The following HS3ST4 variants were observed in gnomAD, a reference collection of about 807,000 sequenced individuals.
The protein encoded by HS3ST4 is heparan sulfate glucosamine 3-O-sulfotransferase 4.
HS3ST4 carries 17 observed loss-of-function variants against 29.2 expected under a neutral mutation model. The observed-to-expected ratio is 0.58, with a 90% CI of 0.40 to 0.87. The LOEUF (loss-of-function observed/expected upper bound fraction) is 0.87, where lower values mean the gene tolerates loss of function less well. HS3ST4 is among the 40% of genes least tolerant of loss of function. HS3ST4 has a pLI of 0.00. For missense variants in HS3ST4, 627 were observed against 634.5 expected (o/e 0.99, Z 0.13); for synonymous variants, 314 against 285.7 (o/e 1.10, Z -1.00).
rs190683792 is a variant in HS3ST4 at position 25,725,520 on chromosome 16, T to C, written c.734+32369T>C. Among the ~76,000 whole-genome samples, 48 of 152,254 alleles carry C rather than the reference T, an allele frequency of 3.2e-4. No individual in the cohort carries two copies. In the East Asian group the frequency reaches 4.2e-3, roughly 13 times the overall value. On this transcript the variant is annotated intron_variant, in intron 1 of 1. Transcript: ENST00000331351. Reference sequence around the variant, plus strand: ...GCTCCCCCTTTAACCCAGTGATATATGCCAGAGTTTATTAAAAGCTATAGT... The same window carrying C: ...GCTCCCCCTTTAACCCAGTGATATACGCCAGAGTTTATTAAAAGCTATAGT...
chr16:25,743,399 G>A (rs1253077120), intron 1 of HS3ST4, among the ~76,000 whole-genome samples: 2 of 152,168 alleles, frequency 1.3e-5, no homozygotes, highest in African/African-American at 2.4e-5. Flanking sequence ...ACTTTAAAAT[G>A]TTAGGTATTT....
At chr16:26,061,135 C>G (rs1567304078) in intron 1 of HS3ST4, among the ~76,000 whole-genome samples, 1 of 152,186 alleles carries the variant, frequency 6.6e-6, no homozygotes, top group Non-Finnish European at 1.5e-5. Context: ...GTGTTTTGAA[C>G]AGCATTTGAT....
intron 1 of HS3ST4, among the ~76,000 whole-genome samples, chr16:25,979,946 C>G (rs140963977): frequency 2.4e-4 from 37 of 152,304 alleles, no homozygotes; most frequent in Admixed American, 1.3e-3. Flanking sequence ...GTCCATGCCT[C>G]TCTCTCAACT....
chr16:26,094,005 A>C (rs1422402643), intron 1 of HS3ST4, among the ~76,000 whole-genome samples: 2 of 152,180 alleles, frequency 1.3e-5, no homozygotes, highest in Admixed American at 1.3e-4. Flanking sequence ...AGTGGAAGAA[A>C]GGGTATCAGT....
chr16:26,092,502 T>C (rs1898869339), intron 1 of HS3ST4, among the ~76,000 whole-genome samples: 1 of 152,166 alleles, frequency 6.6e-6, no homozygotes, highest in African/African-American at 2.4e-5. Context: ...AACATTGTCT[T>C]ATGTACCTCT....
chr16:26,100,750 T>C lies in HS3ST4; in HGVS notation c.735-34862T>C, dbSNP rs531324549. Among the ~76,000 whole-genome samples, 9 of 152,316 alleles carry C rather than the reference T, an allele frequency of 5.9e-5. No individual in the cohort carries two copies. In the East Asian group the frequency reaches 1.7e-3, roughly 29 times the overall value. On this transcript the variant is annotated intron_variant, in intron 1 of 1. Transcript: ENST00000331351. ...TAATATGAATCTAAAAGAAATTTAC[T>C]TGAACTACCACCTGGCATCATAAAG...
At chr16:25,704,951 C>T (rs1966365291) in intron 1 of HS3ST4, among the ~76,000 whole-genome samples, 1 of 151,950 alleles carries the variant, frequency 6.6e-6, no homozygotes, top group African/African-American at 2.4e-5. Context: ...CAAACTCCTG[C>T]ACTCAAGTAA....
At chr16:25,981,765 A>G (rs559694409) in intron 1 of HS3ST4, among the ~76,000 whole-genome samples, 56 of 152,314 alleles carry the variant, frequency 3.7e-4, no homozygotes, top group Admixed American at 6.5e-4. Context: ...AGCCTAGCAC[A>G]TGATAGTCAC....
chr16:25,754,977 C>A (rs1349631120), intron 1 of HS3ST4, among the ~76,000 whole-genome samples: 1 of 151,948 alleles, frequency 6.6e-6, no homozygotes, highest in Non-Finnish European at 1.5e-5. Flanking sequence ...ATTCATCCAC[C>A]CACCCAGTCA....
At chr16:26,019,138 T>C (rs1174177126) in intron 1 of HS3ST4, among the ~76,000 whole-genome samples, 1 of 152,104 alleles carries the variant, frequency 6.6e-6, no homozygotes, top group Admixed American at 6.5e-5. Flanking sequence ...CTTTTCTCTC[T>C]CATCTGCTAC....
chr16:25,850,144 C>G (rs1379550698), intron 1 of HS3ST4, among the ~76,000 whole-genome samples: 1 of 151,968 alleles, frequency 6.6e-6, no homozygotes, highest in Non-Finnish European at 1.5e-5. Context: ...GGATTACAGG[C>G]ATGCACCACC....
intron 1 of HS3ST4, among the ~76,000 whole-genome samples, chr16:25,744,125 TG>T (rs1356529245): frequency 1.1e-4 from 16 of 152,350 alleles, no homozygotes; most frequent in African/African-American, 3.6e-4. Context: ...CTAGAAAATC[TG>T]TCTTCTCTGT....
At chr16:26,096,158 C>T (rs1019787440) in intron 1 of HS3ST4, among the ~76,000 whole-genome samples, 1 of 152,156 alleles carries the variant, frequency 6.6e-6, no homozygotes, top group Non-Finnish European at 1.5e-5. Context: ...CGAATACTAC[C>T]AGAGGTACAA....
chr16:25,984,677 CTGGTTTATTTCACTAA>C (rs2141724516), intron 1 of HS3ST4, among the ~76,000 whole-genome samples: 1 of 152,304 alleles, frequency 6.6e-6, no homozygotes, highest in East Asian at 1.9e-4. Context: ...CTTTCTGTTC[CTGGTTTATTTCACTAA>C]ACATAATGCC....
chr16:25,824,995 G>T (rs993828091), intron 1 of HS3ST4: 2 of 152,184 alleles, frequency 1.3e-5, no homozygotes, highest in Non-Finnish European at 2.9e-5. Context: ...TTAAGATGAA[G>T]TCATATTGGA....
At chr16:26,101,028 C>T (rs1898983872) in intron 1 of HS3ST4, among the ~76,000 whole-genome samples, 1 of 152,162 alleles carries the variant, frequency 6.6e-6, no homozygotes, top group South Asian at 2.1e-4. Flanking sequence ...AAGCCCAGAG[C>T]CTGGGAATCT....
Position 25,857,919 on chromosome 16 carries a change from C to CCTTTCTTTCTTTCTTTCTTTCTTT in HS3ST4, c.734+164799_734+164822dup, listed in dbSNP as rs1269887450. Among the ~76,000 whole-genome samples, 41 of 58,080 alleles carry CCTTTCTTTCTTTCTTTCTTTCTTT rather than the reference C, an allele frequency of 7.1e-4. 2 individuals are homozygous for CCTTTCTTTCTTTCTTTCTTTCTTT. The highest frequency in any genetic ancestry group is 1.1e-3 in the Non-Finnish European group (30 of 27,828). 38.1% of individuals were successfully genotyped at this position (58,080 alleles called of 152,430 possible). ...TTCTTTCTTCCTTCCTTCCTTCCTT[C>CCTTTCTTTCTTTCTTTCTTTCTTT]CTTTCTTTCTTTCTTTCTTTCTTTC... On this transcript the variant is annotated intron_variant, in intron 1 of 1. Transcript: ENST00000331351.
At chr16:26,025,808 A>G (rs754948034) in intron 1 of HS3ST4, among the ~76,000 whole-genome samples, 8 of 152,190 alleles carry the variant, frequency 5.3e-5, no homozygotes, top group Non-Finnish European at 1.0e-4. Context: ...ATGGAGTCTC[A>G]TTCTGTCGCC....
intron 1 of HS3ST4, among the ~76,000 whole-genome samples, chr16:25,786,834 A>G (rs775918012): frequency 1.3e-5 from 2 of 152,236 alleles, no homozygotes; most frequent in Non-Finnish European, 2.9e-5. Flanking sequence ...AGAGTATGCT[A>G]CTGCTTCAAG....
Sources: gnomAD v4.1 joint callset for allele counts (sites outside exome capture counted in the v4.1 genomes callset) on GRCh38, gnomAD v4.1.1 for gene constraint, MANE v1.5 for transcripts, NCBI Gene and HGNC (gene_info 2026-07-23, HGNC 2026-07-21) for gene names.